The following FSTL4 variants were observed in gnomAD, a reference collection of about 807,000 sequenced individuals.
FSTL4 encodes follistatin-related protein 4.
FSTL4 carries 28 observed loss-of-function variants against 78.2 expected under a neutral mutation model. The observed-to-expected ratio is 0.36, with a 90% CI of 0.27 to 0.49. FSTL4 has a LOEUF of 0.49. Among genes scored for constraint, FSTL4 ranks in the 20% least tolerant of loss-of-function variants. FSTL4 has a pLI of 0.98. For missense variants in FSTL4, 922 were observed against 1,084.9 expected (o/e 0.85, Z 2.11); for synonymous variants, 422 against 440.5 (o/e 0.96, Z 0.53).
At chr5:133,608,073 C>T (rs1021994944) in intron 1 of FSTL4, among the ~76,000 whole-genome samples, 3 of 152,150 alleles carry the variant, frequency 2.0e-5, no homozygotes, top group Non-Finnish European at 4.4e-5. Context: ...TCCTACTGGC[C>T]TTCAGATAGA....
At chr5:133,210,105 C>G in intron 14 of FSTL4, 86 bp downstream of exon 14, 9 of 733,154 alleles carry the variant, frequency 1.2e-5, no homozygotes, top group Non-Finnish European at 1.2e-5. Flanking sequence ...ATTAGCTACC[C>G]GGGGAAGCAG....
At chr5:133,294,034 T>C (rs1753329526) in intron 6 of FSTL4, among the ~76,000 whole-genome samples, 1 of 152,214 alleles carries the variant, frequency 6.6e-6, no homozygotes, top group Non-Finnish European at 1.5e-5. Context: ...CTGACTGGGA[T>C]GCCTTTTCCC....
At chr5:133,436,488 C>G (rs1757034394) in intron 3 of FSTL4, among the ~76,000 whole-genome samples, 1 of 152,058 alleles carries the variant, frequency 6.6e-6, no homozygotes, top group Admixed American at 6.6e-5. Context: ...CATGCAGGAT[C>G]TTTTGGATCC....
At chr5:133,718,627 G>A in the FSTL4 span, among the ~76,000 whole-genome samples, 1 of 152,116 alleles carries the variant, frequency 6.6e-6, no homozygotes, top group African/African-American at 2.4e-5. Context: ...AGGGAGAAGA[G>A]GGAAAAAGGA....
At chr5:133,279,820 T>G (rs1278287590) in intron 6 of FSTL4, among the ~76,000 whole-genome samples, 2 of 152,188 alleles carry the variant, frequency 1.3e-5, no homozygotes, top group African/African-American at 4.8e-5. Flanking sequence ...CACATATAAT[T>G]ACTTAAGGAT....
chr5:133,483,046 A>G (rs1472472791), intron 3 of FSTL4, among the ~76,000 whole-genome samples: 3 of 152,144 alleles, frequency 2.0e-5, no homozygotes, highest in African/African-American at 7.2e-5. Flanking sequence ...ACCCAGTGGG[A>G]GGTAACTGAA....
rs114876098 is a variant in FSTL4 at position 133,340,293 on chromosome 5, T to G, written c.410-23641A>C. Among the ~76,000 whole-genome samples the G allele has an allele frequency of 3.1e-3, 479 of 152,162 alleles. 1 individual carries two copies. The highest frequency in any genetic ancestry group is 0.011 in the African/African-American group (466 of 41,508). The stretch of plus-strand genomic sequence containing the variant: ...CAGAGAAATACTCTTTGAATTTTAG[T>G]GGTCAGATTTTCATCCCTCTGAGGC... On this transcript the variant is annotated intron_variant, in intron 4 of 15. Coordinates refer to ENST00000265342, the MANE Select transcript of FSTL4 (RefSeq NM_015082.2).
At chr5:133,778,999 CT>C in the FSTL4 span, among the ~76,000 whole-genome samples, 3 of 152,210 alleles carry the variant, frequency 2.0e-5, no homozygotes, top group Non-Finnish European at 2.9e-5. Context: ...CTTCTTGTCT[CT>C]ATGGTGGGGC....
At chr5:133,211,148 T>C (rs1417309284) in intron 13 of FSTL4, among the ~76,000 whole-genome samples, 2 of 152,170 alleles carry the variant, frequency 1.3e-5, no homozygotes, top group African/African-American at 2.4e-5. Context: ...GCAGACGTGC[T>C]CTTTTTTAAC....
intron 6 of FSTL4, among the ~76,000 whole-genome samples, chr5:133,253,191 C>A (rs1164581441): frequency 6.6e-6 from 1 of 152,222 alleles, no homozygotes; most frequent in Non-Finnish European, 1.5e-5. Context: ...CAACAAGCCT[C>A]CCCCTGGCGG....
intron 6 of FSTL4, among the ~76,000 whole-genome samples, chr5:133,311,813 C>T (rs1034329214): frequency 2.6e-5 from 4 of 152,156 alleles, no homozygotes; most frequent in African/African-American, 9.7e-5. Context: ...AGGGTATATG[C>T]ATTGCCCACT....
At chr5:133,210,127 T>G in intron 14 of FSTL4, 64 bp downstream of exon 14, 1 of 855,628 alleles carries the variant, frequency 1.2e-6, no homozygotes. Context: ...AGATACTTAT[T>G]TTATAGGGAG....
At chr5:133,577,066 C>T (rs1399415033) in intron 2 of FSTL4, among the ~76,000 whole-genome samples, 2 of 152,162 alleles carry the variant, frequency 1.3e-5, no homozygotes, top group Non-Finnish European at 2.9e-5. Flanking sequence ...AAGAGTTTTG[C>T]ACACTTTATC....
chr5:133,459,369 T>C (rs995423975), intron 3 of FSTL4, among the ~76,000 whole-genome samples: 1 of 152,062 alleles, frequency 6.6e-6, no homozygotes, highest in African/African-American at 2.4e-5. Flanking sequence ...AGAGTCTGCA[T>C]GTGGAATTAA....
intron 4 of FSTL4, among the ~76,000 whole-genome samples, chr5:133,376,881 T>A (rs1755446674): frequency 1.1e-5 from 1 of 90,706 alleles, no homozygotes; most frequent in Non-Finnish European, 2.3e-5. Context: ...AGAGCAAGAG[T>A]CTGTCTCAAA....
chr5:133,627,336 C>G, the FSTL4 span, among the ~76,000 whole-genome samples: 1 of 152,094 alleles, frequency 6.6e-6, no homozygotes, highest in Non-Finnish European at 1.5e-5. Context: ...TACATAGCAG[C>G]AGACAAGACA....
the FSTL4 span, among the ~76,000 whole-genome samples, chr5:133,715,478 AC>A: frequency 2.6e-5 from 4 of 152,232 alleles, no homozygotes; most frequent in African/African-American, 9.6e-5. Flanking sequence ...TGTTCACATT[AC>A]AAACCCAAGA....
chr5:133,660,583 G>A, the FSTL4 span, among the ~76,000 whole-genome samples: 4 of 152,184 alleles, frequency 2.6e-5, no homozygotes, highest in Non-Finnish European at 4.4e-5. Flanking sequence ...ACAGCCTACA[G>A]AGAACTGAAG....
intron 3 of FSTL4, among the ~76,000 whole-genome samples, chr5:133,417,056 A>G (rs1002591257): frequency 2.0e-5 from 3 of 152,272 alleles, no homozygotes; most frequent in African/African-American, 7.2e-5. Flanking sequence ...ACTAGGATAC[A>G]GAAGTTTGAA....
Sources: allele counts gnomAD v4.1 joint callset (sites outside exome capture counted in the v4.1 genomes callset), GRCh38; gene constraint gnomAD v4.1.1; transcripts MANE v1.5; gene names NCBI Gene and HGNC (gene_info 2026-07-23, HGNC 2026-07-21).